The following PTCHD4 variants were observed in gnomAD, a reference collection of about 807,000 sequenced individuals.
PTCHD4 encodes the protein patched domain-containing protein 4.
A neutral mutation model predicts 58.1 loss-of-function variants in PTCHD4; 33 were observed. That is an observed-to-expected ratio of 0.57 (90% CI 0.43 to 0.76). The LOEUF (loss-of-function observed/expected upper bound fraction) is 0.76. Among genes scored for constraint, PTCHD4 ranks in the 30% least tolerant of loss-of-function variants. PTCHD4 has a pLI of 0.00. For synonymous variants in PTCHD4, 478 were observed against 409.6 expected, an observed-to-expected ratio of 1.17 and a Z score of -2.02; for missense variants, 1,058 against 1,027.1, an observed-to-expected ratio of 1.03 and a Z score of -0.41.
rs115477789 is a variant in PTCHD4 at position 47,863,725 on chromosome 6, A to G, written c.*14578T>C. Among the ~76,000 whole-genome samples the G allele has an allele frequency of 2.0e-3, 303 of 152,128 alleles. 1 individual carries two copies. The highest frequency in any genetic ancestry group is 7.0e-3 in the African/African-American group (291 of 41,546). ...GGTTCTAGTTAAACCAGTCTATAAC[A>G]GGACTTCTCTGAAAATGACACATTC... On this transcript the variant is annotated 3_prime_UTR_variant, in exon 5 of 5. Coordinates refer to ENST00000339488, the MANE Select transcript of PTCHD4 (RefSeq NM_001384253.1).
intron 4 of PTCHD4, among the ~76,000 whole-genome samples, chr6:47,895,809 C>T (rs549107001): frequency 1.4e-4 from 21 of 152,054 alleles, no homozygotes; most frequent in African/African-American, 4.1e-4. Context: ...ACCCATACTT[C>T]GAATACTGGA....
chr6:48,105,739 G>T (rs1033542844), intron 1 of PTCHD4, among the ~76,000 whole-genome samples: 1 of 151,868 alleles, frequency 6.6e-6, no homozygotes, highest in Non-Finnish European at 1.5e-5. Context: ...AAGAATCAAA[G>T]AGACGCAATA....
At chr6:48,007,472 A>G (rs987585368) in intron 4 of PTCHD4, among the ~76,000 whole-genome samples, 11 of 152,224 alleles carry the variant, frequency 7.2e-5, no homozygotes, top group African/African-American at 2.4e-4. Flanking sequence ...GCTGTAATTC[A>G]GAGCTGATTT....
In PTCHD4 at chr6:47,869,524, C is replaced by T. The variant is rs972433816; in HGVS notation, c.*8779G>A. Among the ~76,000 whole-genome samples, 2 of 151,628 alleles carry T rather than the reference C, an allele frequency of 1.3e-5. No homozygotes were observed. The highest frequency in any genetic ancestry group is 4.8e-5 in the African/African-American group (2 of 41,366). ...ATAATTATTAAGGGGTGTTAAAGTG[C>T]TATCTGAATCTTTTAGTAATGCTTT... On this transcript the variant is annotated 3_prime_UTR_variant, in exon 5 of 5. Transcript: ENST00000339488.
intron 4 of PTCHD4, among the ~76,000 whole-genome samples, chr6:47,937,042 G>A (rs1355543437): frequency 6.6e-6 from 1 of 152,236 alleles, no homozygotes; most frequent in Non-Finnish European, 1.5e-5. Context: ...CTGGGGCAGA[G>A]TAAGCAACAG....
intron 4 of PTCHD4, chr6:47,901,535 T>C (rs989128605): frequency 1.0e-5 from 10 of 993,496 alleles, no homozygotes; most frequent in Non-Finnish European, 1.2e-5. Context: ...AATCAATTTA[T>C]TTTCATCACT....
At chr6:47,997,811 A>G (rs1279545810) in intron 4 of PTCHD4, among the ~76,000 whole-genome samples, 2 of 152,232 alleles carry the variant, frequency 1.3e-5, no homozygotes, top group African/African-American at 4.8e-5. Flanking sequence ...GGGTTCCTCA[A>G]TTCTTGGAAG....
At chr6:47,964,587 A>AT (rs1767216849) in intron 4 of PTCHD4, among the ~76,000 whole-genome samples, 1 of 152,034 alleles carries the variant, frequency 6.6e-6, no homozygotes, top group Admixed American at 6.6e-5. Flanking sequence ...CTTTTATTTT[A>AT]TTTTTTCCTT....
chr6:47,930,308 G>C (rs1428738587), intron 4 of PTCHD4, among the ~76,000 whole-genome samples: 1 of 152,048 alleles, frequency 6.6e-6, no homozygotes, highest in Non-Finnish European at 1.5e-5. Flanking sequence ...ATATATTCAG[G>C]TAATTGGATG....
chr6:47,913,792 A>G (rs1765143664), intron 4 of PTCHD4, among the ~76,000 whole-genome samples: 1 of 152,134 alleles, frequency 6.6e-6, no homozygotes, highest in South Asian at 2.1e-4. Flanking sequence ...GAGGAGGCTG[A>G]TTCTGCAGAG....
At position 48,008,675 on chromosome 6, in the gene PTCHD4, T is replaced by C. The variant is rs1277975573; in HGVS notation, c.857A>G (p.Lys286Arg). 1.2e-6 allele frequency: 2 copies of C among 1,613,488 alleles called. No homozygotes were observed. Among genetic ancestry groups the C allele is most frequent in the Admixed American group, 1.7e-5 (1 of 59,912 alleles). Residue 286 changes from lysine to arginine, a missense_variant, in exon 4 of 5, where the codon AAG becomes AGG. Physicochemically the swap from Lys to Arg is conservative, Grantham distance 26. Coordinates refer to ENST00000339488, the MANE Select transcript of PTCHD4 (RefSeq NM_001384253.1). ...GATTCCCAGCAGGGTGGAGTTGTAC[T>C]TTCCATCGGTGATGAAGAAGATCCC... Reference protein sequence around the residue: ...AAGIFFITDGKYNSTLLGIPF... With the variant: ...AAGIFFITDGRYNSTLLGIPF...
At chr6:48,106,375 G>C (rs907818481) in intron 1 of PTCHD4, among the ~76,000 whole-genome samples, 2 of 152,138 alleles carry the variant, frequency 1.3e-5, no homozygotes, top group Non-Finnish European at 2.9e-5. Flanking sequence ...AATAGATGCA[G>C]AAAAGACCTT....
intron 4 of PTCHD4, among the ~76,000 whole-genome samples, chr6:47,908,803 T>G (rs771923670): frequency 2.6e-5 from 4 of 152,192 alleles, no homozygotes; most frequent in Non-Finnish European, 4.4e-5. Context: ...CCCATATCTT[T>G]CCTACTAACT....
chr6:47,878,802 T>C lies in PTCHD4; in HGVS notation c.2033A>G (p.His678Arg). The change falls in exon 5 of 5, where the codon CAC (histidine) becomes CGC (arginine). Residue 678 changes from histidine to arginine, a missense_variant. Physicochemically the swap from His to Arg is conservative, Grantham distance 29 (BLOSUM62 0). Transcript: ENST00000339488. ...AATTAGCCAGAAGTTTCCCAGAGGG[T>C]GGATCACTAGGAAAAAAGTCAGGAT... ...VLILTFFLVIHPLGNFWLILS... is the reference protein window; with the variant it reads ...VLILTFFLVIRPLGNFWLILS... 6.2e-7 allele frequency: 1 copy of C among 1,613,276 alleles called. No homozygotes were observed. The highest frequency in any genetic ancestry group is 8.5e-7 in the Non-Finnish European group (1 of 1,179,702).
chr6:47,952,364 A>T (rs1458041200), intron 4 of PTCHD4, among the ~76,000 whole-genome samples: 1 of 152,158 alleles, frequency 6.6e-6, no homozygotes, highest in Non-Finnish European at 1.5e-5. Flanking sequence ...CGGTCTATCA[A>T]CACCAAAAGT....
intron 3 of PTCHD4, among the ~76,000 whole-genome samples, chr6:48,020,129 G>A (rs565798568): frequency 9.2e-5 from 14 of 152,240 alleles, no homozygotes; most frequent in Admixed American, 2.6e-4. Context: ...GCTCTCTTTC[G>A]CTGCAATGTG....
intron 3 of PTCHD4, among the ~76,000 whole-genome samples, chr6:48,038,938 T>C (rs909804284): frequency 6.6e-6 from 1 of 152,160 alleles, no homozygotes; most frequent in African/African-American, 2.4e-5. Flanking sequence ...TTCTTACTTA[T>C]TCTGTAGGTG....
intron 3 of PTCHD4, among the ~76,000 whole-genome samples, chr6:48,057,938 T>C (rs1764471794): frequency 6.6e-6 from 1 of 152,190 alleles, no homozygotes; most frequent in South Asian, 2.1e-4. Context: ...GTGAGAAAGA[T>C]TAGGTTGTCA....
intron 4 of PTCHD4, among the ~76,000 whole-genome samples, chr6:47,982,481 C>CTTTTTTTTTTTTTTT (rs375869071): frequency 3.1e-5 from 4 of 130,792 alleles, no homozygotes; most frequent in African/African-American, 5.7e-5. Context: ...TTATCTCTCT[C>CTTTTTTTTTTTTTTT]TTTTTTTTTT....
Sources: gnomAD v4.1 joint callset for allele counts (sites outside exome capture counted in the v4.1 genomes callset) on GRCh38, gnomAD v4.1.1 for gene constraint, MANE v1.5 for transcripts, NCBI Gene and HGNC (gene_info 2026-07-23, HGNC 2026-07-21) for gene names.